DENND1A: variants seen among roughly 807,000 people sequenced by gnomAD.
The protein encoded by DENND1A is DENN domain containing 1A.
A neutral mutation model predicts 113.7 loss-of-function variants in DENND1A; 51 were observed. The ratio of observed to expected loss-of-function variants is 0.45; its 90% confidence interval spans 0.36 to 0.57. The LOEUF is 0.57. Among genes scored for constraint, DENND1A ranks in the 20% least tolerant of loss-of-function variants. The probability of loss-of-function intolerance (pLI) is 0.00; values close to 1 mark genes in which losing one functional copy is unlikely to be tolerated. For missense variants in DENND1A, 1,258 were observed against 1,395.9 expected, an observed-to-expected ratio of 0.90 and a Z score of 1.57; for synonymous variants, 565 against 570.8, an observed-to-expected ratio of 0.99 and a Z score of 0.14.
intron 9 of DENND1A, among the ~76,000 whole-genome samples, chr9:123,650,515 A>G (rs1199494437): frequency 6.6e-6 from 1 of 152,174 alleles, no homozygotes; most frequent in Non-Finnish European, 1.5e-5. Flanking sequence ...CTCCCAGTCA[A>G]TTTCTGTATA....
intron 2 of DENND1A, among the ~76,000 whole-genome samples, chr9:123,874,402 A>G (rs1847128925): frequency 6.6e-6 from 1 of 152,128 alleles, no homozygotes; most frequent in South Asian, 2.1e-4. Context: ...CCAATGAGGA[A>G]AAGGTAGAAA....
At chr9:123,490,656 C>A (rs1010034354) in intron 13 of DENND1A, among the ~76,000 whole-genome samples, 3 of 151,116 alleles carry the variant, frequency 2.0e-5, no homozygotes, top group Non-Finnish European at 4.4e-5. Context: ...ACATAATTTT[C>A]AATTGTCTAG....
chr9:123,623,865 C>T (rs1162320032), intron 10 of DENND1A, among the ~76,000 whole-genome samples: 2 of 152,174 alleles, frequency 1.3e-5, no homozygotes, highest in Non-Finnish European at 2.9e-5. Context: ...AGGGTCTGGG[C>T]TCAGCTCCAT....
chr9:123,630,899 T>G (rs2061447292), intron 9 of DENND1A, among the ~76,000 whole-genome samples: 1 of 152,184 alleles, frequency 6.6e-6, no homozygotes, highest in African/African-American at 2.4e-5. Context: ...GAAAAAGATA[T>G]CTCTTAATGA....
intron 3 of DENND1A, among the ~76,000 whole-genome samples, chr9:123,775,294 T>G (rs375439897): frequency 6.6e-6 from 1 of 152,228 alleles, no homozygotes; most frequent in Non-Finnish European, 1.5e-5. Flanking sequence ...TCAGTGGTAA[T>G]TCCTTGGACT....
intron 13 of DENND1A, among the ~76,000 whole-genome samples, chr9:123,556,609 G>T (rs1316015491): frequency 6.6e-6 from 1 of 152,244 alleles, no homozygotes; most frequent in Non-Finnish European, 1.5e-5. Flanking sequence ...AGTGAAGCCA[G>T]TGCTGGTCCC....
At chr9:123,780,857 AACT>A (rs2131835305) in intron 3 of DENND1A, among the ~76,000 whole-genome samples, 1 of 152,294 alleles carries the variant, frequency 6.6e-6, no homozygotes, top group Non-Finnish European at 1.5e-5. Context: ...CTGATAAAGC[AACT>A]ACTATGTGTC....
intron 1 of DENND1A, among the ~76,000 whole-genome samples, chr9:123,900,663 C>T (rs1406558616): frequency 2.0e-5 from 3 of 152,228 alleles, no homozygotes; most frequent in Non-Finnish European, 4.4e-5. Context: ...TCGATCTGGG[C>T]TCCAGTTGCA....
At chr9:123,806,906 C>A (rs1392731891) in intron 2 of DENND1A, among the ~76,000 whole-genome samples, 1 of 152,166 alleles carries the variant, frequency 6.6e-6, no homozygotes, top group Non-Finnish European at 1.5e-5. Context: ...TCACTCTATA[C>A]CCTAGTAATT....
In DENND1A at chr9:123,520,087, G is replaced by A. The variant is rs2054263846; in HGVS notation, c.993+37483C>T. 2.1e-5 allele frequency among the ~76,000 whole-genome samples: 3 copies of A among 145,394 alleles called. No homozygotes were observed. In the Admixed American group the frequency reaches 2.1e-4, roughly 10 times the overall value. On this transcript the variant is annotated intron_variant, in intron 13 of 23. Transcript: ENST00000394215. ...AGGCAGGAGGACTGCCTGAGCTCATGAGGCTGCAGTTTTGACTACCACCGT... is the reference window on the plus strand; with the variant it reads ...AGGCAGGAGGACTGCCTGAGCTCATAAGGCTGCAGTTTTGACTACCACCGT...
intron 9 of DENND1A, among the ~76,000 whole-genome samples, chr9:123,650,859 A>C (rs1429855751): frequency 6.9e-6 from 1 of 145,520 alleles, no homozygotes; most frequent in Non-Finnish European, 1.5e-5. Context: ...GTGAGCCGAG[A>C]TAGTGCCACT....
chr9:123,776,692 C>T (rs1359551281), intron 3 of DENND1A, among the ~76,000 whole-genome samples: 1 of 152,052 alleles, frequency 6.6e-6, no homozygotes, highest in Non-Finnish European at 1.5e-5. Context: ...AGACAAGCAC[C>T]AAAACCTTAA....
chr9:123,472,150 GC>G (rs2049479110), intron 13 of DENND1A, among the ~76,000 whole-genome samples: 1 of 152,182 alleles, frequency 6.6e-6, no homozygotes. Flanking sequence ...CTTTTGAGAT[GC>G]CCTTTGTGAG....
chr9:123,483,611 C>T (rs1327139507), intron 13 of DENND1A, among the ~76,000 whole-genome samples: 1 of 152,252 alleles, frequency 6.6e-6, no homozygotes, highest in African/African-American at 2.4e-5. Flanking sequence ...TGTGTGGTGA[C>T]TGATGTCTTG....
chr9:123,739,236 A>T (rs1179021282), intron 5 of DENND1A, among the ~76,000 whole-genome samples: 1 of 152,140 alleles, frequency 6.6e-6, no homozygotes, highest in Non-Finnish European at 1.5e-5. Flanking sequence ...CCTTATAGAC[A>T]CTGGAGCAGG....
intron 5 of DENND1A, among the ~76,000 whole-genome samples, chr9:123,699,980 G>A (rs1023160055): frequency 3.9e-5 from 6 of 152,078 alleles, no homozygotes; most frequent in Non-Finnish European, 7.4e-5. Context: ...TTACAGGTGT[G>A]AGCCACTATG....
chr9:123,929,970 G>A lies in DENND1A; in HGVS notation c.-65C>T. ...GCGCTGCGCTGCCCGCCCGCCCGCG[G>A]CCGACCGGCCTCCCTCTGGCGCTCT... On this transcript the variant is annotated 5_prime_UTR_variant, in exon 1 of 24. Coordinates refer to ENST00000394215, the MANE Select transcript of DENND1A (RefSeq NM_001352964.2). 7.0e-6 allele frequency: 2 copies of A among 285,380 alleles called. No homozygotes were observed. Among genetic ancestry groups the A allele is most frequent in the Non-Finnish European group, 1.3e-5 (2 of 157,488 alleles). 17.7% of individuals were successfully genotyped at this position (285,380 alleles called of 1,614,324 possible). A position where few individuals can be genotyped will look rare whatever the true frequency, so the allele number is the denominator to read the frequency against.
chr9:123,472,370 C>T (rs943320708), intron 13 of DENND1A, among the ~76,000 whole-genome samples: 6 of 152,134 alleles, frequency 3.9e-5, no homozygotes, highest in East Asian at 3.9e-4. Context: ...CGGTTCACAG[C>T]GAGGAGCTGT....
At chr9:123,519,278 T>C (rs1195756989) in intron 13 of DENND1A, among the ~76,000 whole-genome samples, 1 of 152,162 alleles carries the variant, frequency 6.6e-6, no homozygotes, top group Non-Finnish European at 1.5e-5. Context: ...AAGGAGGGGA[T>C]CATCTGTCTC....
Sources: gnomAD v4.1 joint callset for allele counts (sites outside exome capture counted in the v4.1 genomes callset) on GRCh38, gnomAD v4.1.1 for gene constraint, MANE v1.5 for transcripts, NCBI Gene and HGNC (gene_info 2026-07-23, HGNC 2026-07-21) for gene names.